CGGBP1: variants seen among roughly 807,000 people sequenced by gnomAD.
CGGBP1 encodes CGG triplet repeat binding protein 1, also known as CGG triplet repeat-binding protein 1.
CGGBP1 carries 4 observed loss-of-function variants against 11.4 expected under a neutral mutation model. The ratio of observed to expected loss-of-function variants is 0.35; its 90% CI spans 0.17 to 0.80. The LOEUF is 0.80. Among genes scored for constraint, CGGBP1 ranks in the 30% least tolerant of loss-of-function variants. CGGBP1 has a pLI of 0.52. For missense variants in CGGBP1, 135 were observed against 202.1 expected, an observed-to-expected ratio of 0.67 and a Z score of 2.01; for synonymous variants, 76 against 74.1, an observed-to-expected ratio of 1.03 and a Z score of -0.13.
chr3:88,061,103 G>C (rs9310066), upstream of CGGBP1, among the ~76,000 whole-genome samples: 119,121 of 152,034 alleles, frequency 0.78, 47,575 homozygotes, highest in South Asian at 0.91. Context: ...CACTTGTTTT[G>C]TAACTATACC....
chr3:88,095,515 T>A (rs1704007447), intron 2 of CGGBP1: 2 of 486,090 alleles, frequency 4.1e-6, no homozygotes, highest in Non-Finnish European at 8.2e-6. Context: ...CAGTTCACAT[T>A]AGCTTCTTTT....
At chr3:88,132,835 C>T (rs1706545984) in intron 2 of CGGBP1, among the ~76,000 whole-genome samples, 1 of 152,134 alleles carries the variant, frequency 6.6e-6, no homozygotes, top group African/African-American at 2.4e-5. Context: ...AACAGTCATA[C>T]AGCTAGTAAG....
intron 2 of CGGBP1, among the ~76,000 whole-genome samples, chr3:88,121,389 A>G (rs1705760166): frequency 6.6e-6 from 1 of 152,168 alleles, no homozygotes; most frequent in Non-Finnish European, 1.5e-5. Context: ...GGCAACAGCA[A>G]TCATGTAATA....
At chr3:88,086,546 G>C in intron 2 of CGGBP1, 2 of 745,276 alleles carry the variant, frequency 2.7e-6, no homozygotes, top group South Asian at 3.3e-5. Flanking sequence ...GAAGTATTCA[G>C]GTTTAATTTT....
chr3:88,128,699 A>T, intron 2 of CGGBP1: 2 of 697,524 alleles, frequency 2.9e-6, no homozygotes, highest in African/African-American at 1.8e-5. Flanking sequence ...AATGCTATTT[A>T]AGTAGTTAAA....
At chr3:88,136,244 A>T (rs1335273554) in intron 2 of CGGBP1, among the ~76,000 whole-genome samples, 1 of 152,208 alleles carries the variant, frequency 6.6e-6, no homozygotes, top group East Asian at 1.9e-4. Flanking sequence ...GAGATATATT[A>T]TTATAGAAAG....
intron 2 of CGGBP1, chr3:88,129,594 TA>T: frequency 2.0e-6 from 2 of 1,022,316 alleles, no homozygotes; most frequent in Non-Finnish European, 2.7e-6. Flanking sequence ...ACTAGAAATC[TA>T]AGCAATTTCT....
intron 2 of CGGBP1, among the ~76,000 whole-genome samples, chr3:88,083,258 A>AAATCATTTAGAAACACTAAAATAT (rs1708174292): frequency 6.6e-6 from 1 of 152,202 alleles, no homozygotes. Flanking sequence ...GATATATTTT[A>AAATCATTTAGAAACACTAAAATAT]GTGTTCCTAA....
At chr3:88,056,894 AAC>A (rs1263908569) in intron 3 of CGGBP1, 5 of 152,186 alleles carry the variant, frequency 3.3e-5, no homozygotes, top group Non-Finnish European at 5.9e-5. Flanking sequence ...TTATCCTAAT[AAC>A]ACACTTTTAT....
At chr3:88,120,774 T>C (rs1273071968) in intron 2 of CGGBP1, among the ~76,000 whole-genome samples, 2 of 149,734 alleles carry the variant, frequency 1.3e-5, no homozygotes, top group Non-Finnish European at 3.0e-5. Flanking sequence ...GAAACTAAAA[T>C]AATGTTTTAA....
chr3:88,090,208 A>G (rs1708561050), intron 2 of CGGBP1, among the ~76,000 whole-genome samples: 1 of 152,216 alleles, frequency 6.6e-6, no homozygotes, highest in Non-Finnish European at 1.5e-5. Flanking sequence ...AAGGCATTCC[A>G]GAAAAAGACA....
At chr3:88,113,010 A>G (rs566658394) in intron 2 of CGGBP1, 1 of 734,870 alleles carries the variant, frequency 1.4e-6, no homozygotes, top group Non-Finnish European at 2.1e-6. Flanking sequence ...AAACCAAAAT[A>G]TTTTAAGTCA....
upstream of CGGBP1, among the ~76,000 whole-genome samples, chr3:88,060,456 A>AT (rs1706808124): frequency 6.6e-6 from 1 of 152,192 alleles, no homozygotes; most frequent in South Asian, 2.1e-4. Context: ...ATTCACAACA[A>AT]TCTTTTTTTG....
At chr3:88,097,807 A>G (rs1704154395) in intron 2 of CGGBP1, among the ~76,000 whole-genome samples, 1 of 152,228 alleles carries the variant, frequency 6.6e-6, no homozygotes, top group Non-Finnish European at 1.5e-5. Flanking sequence ...ACAACATAAC[A>G]GAATATCTGC....
intron 2 of CGGBP1, among the ~76,000 whole-genome samples, chr3:88,076,592 T>C (rs1707816213): frequency 1.3e-5 from 2 of 152,198 alleles, no homozygotes. Context: ...TTGTTTTGTT[T>C]TAAACAAATT....
chr3:88,122,675 T>C (rs1255065869), intron 2 of CGGBP1, among the ~76,000 whole-genome samples: 1 of 152,130 alleles, frequency 6.6e-6, no homozygotes, highest in South Asian at 2.1e-4. Flanking sequence ...TAAGTTGATA[T>C]AGAGGCACAA....
intron 2 of CGGBP1, among the ~76,000 whole-genome samples, chr3:88,127,917 A>G (rs1442162351): frequency 6.6e-6 from 1 of 152,220 alleles, no homozygotes; most frequent in Non-Finnish European, 1.5e-5. Flanking sequence ...TTTGCATATC[A>G]TATATTGTAA....
At chr3:88,088,274 C>T (rs776809386) in intron 2 of CGGBP1, among the ~76,000 whole-genome samples, 1 of 151,954 alleles carries the variant, frequency 6.6e-6, no homozygotes, top group Non-Finnish European at 1.5e-5. Context: ...CTGGTTTTTA[C>T]ATATTAATGA....
upstream of CGGBP1, among the ~76,000 whole-genome samples, chr3:88,061,936 T>C (rs548298891): frequency 2.6e-5 from 4 of 152,288 alleles, no homozygotes; most frequent in Non-Finnish European, 5.9e-5. Context: ...TGGTTTATCT[T>C]CCTCTTTTTA....
Sources: allele counts gnomAD v4.1 joint callset (sites outside exome capture counted in the v4.1 genomes callset), GRCh38; gene constraint gnomAD v4.1.1; transcripts MANE v1.5; gene names NCBI Gene and HGNC (gene_info 2026-07-23, HGNC 2026-07-21).